SMIM41: variants seen among roughly 807,000 people sequenced by gnomAD.
SMIM41 encodes small integral membrane protein 41.
At chr12:52,083,706 C>A (rs963380791) in intron 1 of SMIM41, among the ~76,000 whole-genome samples, 188 bp from the exon 2 acceptor site, 1 of 152,218 alleles carries the variant, frequency 6.6e-6, no homozygotes, top group African/African-American at 2.4e-5. Flanking sequence ...GTATCGTGAG[C>A]ATGTGCATGG....
At chr12:52,099,230 C>T (rs2120707439) in intron 2 of SMIM41, among the ~76,000 whole-genome samples, 1 of 151,868 alleles carries the variant, frequency 6.6e-6, no homozygotes, top group African/African-American at 2.4e-5. Context: ...GTAATATCAT[C>T]CTGTGCCCCC....
intron 2 of SMIM41, among the ~76,000 whole-genome samples, chr12:52,101,343 TG>T (rs1436873414): frequency 6.6e-6 from 1 of 152,180 alleles, no homozygotes; most frequent in East Asian, 1.9e-4. Flanking sequence ...AAGAAGCACT[TG>T]AACTCGGGAG....
intron 2 of SMIM41, among the ~76,000 whole-genome samples, chr12:52,097,367 G>A (rs1302143619): frequency 4.0e-5 from 6 of 148,562 alleles, no homozygotes; most frequent in East Asian, 2.0e-4. Flanking sequence ...CGGATATTAC[G>A]AGCCACATTG....
chr12:52,092,034 G>A (rs1478329722), intron 2 of SMIM41: 1 of 152,216 alleles, frequency 6.6e-6, no homozygotes, highest in East Asian at 1.9e-4. Flanking sequence ...CAGGCGGAGT[G>A]GAGAGTGACA....
intron 2 of SMIM41, among the ~76,000 whole-genome samples, chr12:52,096,047 A>C (rs1940087640): frequency 6.6e-6 from 1 of 152,032 alleles, no homozygotes; most frequent in African/African-American, 2.4e-5. Context: ...GATATTGGGA[A>C]TAATATCCCG....
chr12:52,089,597 A>AAAAACAAAACAAAACAAAAC (rs149875066), intron 2 of SMIM41, among the ~76,000 whole-genome samples: 24 of 149,102 alleles, frequency 1.6e-4, no homozygotes, highest in African/African-American at 5.7e-4. Flanking sequence ...CCGCCTTCAA[A>AAAAACAAAACAAAACAAAAC]AAAACAAAAC....
At chr12:52,098,183 C>G (rs1940137066) in intron 2 of SMIM41, among the ~76,000 whole-genome samples, 1 of 152,132 alleles carries the variant, frequency 6.6e-6, no homozygotes, top group Non-Finnish European at 1.5e-5. Flanking sequence ...ATCCTCTCCC[C>G]TCTGGAAGTT....
chr12:52,086,821 GTAGA>G (rs1179864165), intron 2 of SMIM41, among the ~76,000 whole-genome samples: 1 of 152,206 alleles, frequency 6.6e-6, no homozygotes, highest in Non-Finnish European at 1.5e-5. Flanking sequence ...CACTTCCAGT[GTAGA>G]TTGCTTGGCT....
rs141294732 is a variant in SMIM41, at chr12:52,107,255, C to T, written c.*196-124C>T. On this transcript the variant is annotated intron_variant, in intron 2 of 2. Transcript: ENST00000546390. ...TTGTGAATTGCTTGTATCCAAAATG[C>T]AGACACAATGCTGGGTGTTGGTTTA... The T allele has an allele frequency of 3.9e-3, 1,496 of 383,914 alleles. 28 individuals are homozygous for T. The highest frequency in any genetic ancestry group is 0.028 in the African/African-American group (1,341 of 47,846). 23.8% of individuals were successfully genotyped at this position (383,914 alleles called of 1,614,324 possible). A position where few individuals can be genotyped will look rare whatever the true frequency, so the allele number is the denominator to read the frequency against.
intron 2 of SMIM41, among the ~76,000 whole-genome samples, chr12:52,095,702 C>T (rs1189566872): frequency 6.6e-6 from 1 of 152,062 alleles, no homozygotes; most frequent in Non-Finnish European, 1.5e-5. Flanking sequence ...TGTACATTTT[C>T]TGCGGTATTG....
chr12:52,100,989 GTAT>G (rs1456633013), intron 2 of SMIM41, among the ~76,000 whole-genome samples: 1 of 151,984 alleles, frequency 6.6e-6, no homozygotes, highest in African/African-American at 2.4e-5. Context: ...ACATAATGAA[GTAT>G]TATTCAGCCT....
intron 1 of SMIM41, among the ~76,000 whole-genome samples, chr12:52,082,454 CAG>C (rs935898377): frequency 2.0e-5 from 3 of 152,118 alleles, no homozygotes; most frequent in Non-Finnish European, 2.9e-5. Context: ...CCAGGGACCT[CAG>C]TGTTCCTGTG....
rs1014918845 is a variant in SMIM41, at chr12:52,081,519, C to T, written c.*120+1338C>T. Among the ~76,000 whole-genome samples the T allele has an allele frequency of 6.6e-6, 1 of 152,080 alleles. No homozygotes were observed. The highest frequency in any genetic ancestry group is 2.4e-5 in the African/African-American group (1 of 41,404). ...TTCTCACCTCAGGGCCCCCTCAGCT[C>T]CCCCCACTCCACCCCCTAGGAGGGA... On this transcript the variant is annotated intron_variant, in intron 1 of 2. Transcript: ENST00000546390. The surrounding 1 kb of genome is among the most constrained non-coding windows in gnomAD (Gnocchi z 4.1).
chr12:52,096,120 G>A (rs1443022077), intron 2 of SMIM41, among the ~76,000 whole-genome samples: 1 of 151,204 alleles, frequency 6.6e-6, no homozygotes, highest in Non-Finnish European at 1.5e-5. Context: ...CTGGCTATTA[G>A]GAATAATATC....
At chr12:52,082,314 A>G (rs1471901468) in intron 1 of SMIM41, among the ~76,000 whole-genome samples, 4 of 152,090 alleles carry the variant, frequency 2.6e-5, no homozygotes, top group Admixed American at 1.3e-4. Flanking sequence ...CCCCAGCATC[A>G]TCGTGTCTGC....
intron 2 of SMIM41, chr12:52,093,450 T>C (rs1423065798): frequency 6.6e-6 from 1 of 152,170 alleles, no homozygotes; most frequent in Non-Finnish European, 1.5e-5. Flanking sequence ...TGGACTATTT[T>C]GTTTGCTGAT....
At chr12:52,086,584 T>C (rs1456981595) in intron 2 of SMIM41, among the ~76,000 whole-genome samples, 1 of 152,226 alleles carries the variant, frequency 6.6e-6, no homozygotes, top group Non-Finnish European at 1.5e-5. Flanking sequence ...CTGTGAGTCC[T>C]GCCAAGAGGC....
intron 2 of SMIM41, among the ~76,000 whole-genome samples, chr12:52,103,357 C>CAAAAAAAAAAAAAAAAACA: frequency 8.5e-6 from 1 of 116,980 alleles, no homozygotes; most frequent in Non-Finnish European, 1.9e-5. Flanking sequence ...AAAATAAAAC[C>CAAAAAAAAAAAAAAAAACA]AAAAAAAAAA....
intron 2 of SMIM41, among the ~76,000 whole-genome samples, chr12:52,084,299 C>T (rs1168259372): frequency 1.3e-5 from 2 of 151,426 alleles, no homozygotes; most frequent in Non-Finnish European, 2.9e-5. Flanking sequence ...TGCAGTGAGC[C>T]GCGATCGTGC....
Sources: gnomAD v4.1 joint callset for allele counts (sites outside exome capture counted in the v4.1 genomes callset) on GRCh38, gnomAD v4.1.1 for gene constraint, Gnocchi (gnomAD v3.1) non-coding constraint, MANE v1.5 for transcripts, NCBI Gene and HGNC (gene_info 2026-07-23, HGNC 2026-07-21) for gene names.